Variants in CDH13 observed in about 807,000 individuals in gnomAD.
CDH13 encodes the protein cadherin-13.
CDH13 carries 24 observed loss-of-function variants against 63.8 expected under a neutral mutation model. The observed-to-expected ratio is 0.38, with a 90% CI of 0.27 to 0.53. The LOEUF (loss-of-function observed/expected upper bound fraction) is 0.53. Ranked by LOEUF, CDH13 falls within the 20% of genes least tolerant of loss-of-function variation. CDH13 has a pLI of 0.85. For synonymous variants in CDH13, 503 were observed against 355.3 expected, an observed-to-expected ratio of 1.42 and a Z score of -4.67; for missense variants, 1,049 against 903.1, an observed-to-expected ratio of 1.16 and a Z score of -2.07.
intron 7 of CDH13, chr16:83,508,447 A>C (rs114268765): frequency 0.025 from 3,869 of 153,180 alleles, 160 homozygotes; most frequent in African/African-American, 0.088. Context: ...GGAACCCACC[A>C]CTCCCATACA....
At chr16:83,606,164 A>C (rs1342330693) in intron 8 of CDH13, among the ~76,000 whole-genome samples, 4 of 152,226 alleles carry the variant, frequency 2.6e-5, no homozygotes, top group Non-Finnish European at 5.9e-5. Context: ...AATGGTGATC[A>C]TTTGGAGTTG....
At chr16:83,121,058 A>G (rs1255328673) in intron 3 of CDH13, among the ~76,000 whole-genome samples, 2 of 152,086 alleles carry the variant, frequency 1.3e-5, no homozygotes, top group African/African-American at 2.4e-5. Context: ...CGCTGCGCCC[A>G]GCCAATGCTG....
intron 11 of CDH13, among the ~76,000 whole-genome samples, chr16:83,758,890 G>T (rs996383850): frequency 4.6e-5 from 7 of 152,164 alleles, no homozygotes; most frequent in Non-Finnish European, 1.0e-4. Context: ...CCCTATTTAA[G>T]CCCACATTAA....
intron 13 of CDH13, 95 bp downstream of exon 13, chr16:83,783,567 G>T: frequency 2.2e-6 from 2 of 928,312 alleles, no homozygotes; most frequent in East Asian, 2.4e-5. Context: ...TTTCCAAGAA[G>T]ATGTTTCCCA....
chr16:82,673,407 C>A lies in CDH13; in HGVS notation c.45+46270C>A, dbSNP rs191523134. Among the ~76,000 whole-genome samples the A allele has an allele frequency of 2.8e-4, 43 of 152,206 alleles. No homozygotes were observed. In the East Asian group the frequency reaches 6.2e-3, roughly 22 times the overall value. On this transcript the variant is annotated intron_variant, in intron 1 of 13. Transcript: ENST00000567109. ...ACTCACTAGCAGGAAATAAAAGTAT[C>A]CCCAAGGAGAAAGCCTTGGGAATTA... is the stretch of plus-strand genomic sequence containing the variant.
chr16:83,444,430 A>G (rs1204970163), intron 6 of CDH13, among the ~76,000 whole-genome samples: 5 of 152,228 alleles, frequency 3.3e-5, no homozygotes, highest in Admixed American at 3.3e-4. Context: ...CTCAAGGACA[A>G]TACTTCTTAA....
chr16:83,353,165 C>T (rs939937343), intron 6 of CDH13, among the ~76,000 whole-genome samples: 3 of 152,232 alleles, frequency 2.0e-5, no homozygotes, highest in Non-Finnish European at 4.4e-5. Flanking sequence ...GCCAAGACGT[C>T]AGCACTCTGC....
At chr16:82,876,649 G>A (rs1186633959) in intron 2 of CDH13, among the ~76,000 whole-genome samples, 2 of 152,166 alleles carry the variant, frequency 1.3e-5, no homozygotes, top group Non-Finnish European at 2.9e-5. Flanking sequence ...GTTAAGATAG[G>A]AATAACTTAA....
At chr16:83,592,913 G>A (rs1906898627) in intron 7 of CDH13, among the ~76,000 whole-genome samples, 2 of 152,308 alleles carry the variant, frequency 1.3e-5, no homozygotes, top group Admixed American at 6.5e-5. Context: ...CTGGGAAGAT[G>A]GAAGAACATC....
At position 83,754,337 on chromosome 16, in the gene CDH13, G is replaced by A. The variant is rs770747067; in HGVS notation, c.1681+6087G>A. On this transcript the variant is annotated intron_variant, in intron 11 of 13. Transcript: ENST00000567109. Reference sequence around the variant, plus strand: ...GATTTCCTGGAGCCTTTCAGACTAAGATACTCCAGACTTTCAATCAAAATC... The same window carrying A: ...GATTTCCTGGAGCCTTTCAGACTAAAATACTCCAGACTTTCAATCAAAATC... Among the ~76,000 whole-genome samples the A allele has an allele frequency of 3.7e-4, 57 of 152,192 alleles. 1 individual carries two copies. The highest frequency in any genetic ancestry group is 3.1e-4 in the Non-Finnish European group (21 of 68,034).
chr16:82,692,360 C>T (rs1204604833), intron 1 of CDH13, among the ~76,000 whole-genome samples: 1 of 152,196 alleles, frequency 6.6e-6, no homozygotes, highest in Non-Finnish European at 1.5e-5. Flanking sequence ...TTAATTGACT[C>T]ACAGTTCTGT....
chr16:82,852,541 G>T (rs949128693), intron 1 of CDH13, among the ~76,000 whole-genome samples: 1 of 152,276 alleles, frequency 6.6e-6, no homozygotes, highest in African/African-American at 2.4e-5. Context: ...TTATTCTGTT[G>T]GCCAGTGCTT....
chr16:83,195,374 C>T (rs1450130572), intron 4 of CDH13, among the ~76,000 whole-genome samples: 2 of 152,122 alleles, frequency 1.3e-5, no homozygotes, highest in Non-Finnish European at 2.9e-5. Flanking sequence ...CTCATGGTTC[C>T]ACAGGCTGTC....
chr16:83,289,276 A>G (rs1392691868), intron 5 of CDH13, among the ~76,000 whole-genome samples: 1 of 152,184 alleles, frequency 6.6e-6, no homozygotes, highest in Admixed American at 6.5e-5. Context: ...TTGTAACACC[A>G]GCTTCACTAC....
intron 2 of CDH13, among the ~76,000 whole-genome samples, chr16:83,014,202 T>C (rs529475644): frequency 6.6e-5 from 10 of 151,912 alleles, no homozygotes; most frequent in African/African-American, 2.4e-4. Context: ...TTCCCATTCA[T>C]TGAAAAATTT....
intron 10 of CDH13, among the ~76,000 whole-genome samples, chr16:83,738,018 C>T (rs1911701480): frequency 6.6e-6 from 1 of 152,190 alleles, no homozygotes; most frequent in South Asian, 2.1e-4. Flanking sequence ...GCCACCTCCT[C>T]AGTGATCAAT....
chr16:82,890,354 G>C (rs967382755), intron 2 of CDH13, among the ~76,000 whole-genome samples: 20 of 152,178 alleles, frequency 1.3e-4, no homozygotes, highest in African/African-American at 4.8e-4. Flanking sequence ...ATGTGAGTTT[G>C]ATCACTCACC....
chr16:83,372,685 G>C (rs1215943331), intron 6 of CDH13, among the ~76,000 whole-genome samples: 1 of 148,046 alleles, frequency 6.8e-6, no homozygotes, highest in Non-Finnish European at 1.5e-5. Flanking sequence ...CCGGGAGGCA[G>C]AGGTTGCAGT....
At chr16:83,701,150 G>T (rs67805160) in intron 10 of CDH13, among the ~76,000 whole-genome samples, 25,340 of 152,048 alleles carry the variant, frequency 0.17, 2,291 homozygotes, top group African/African-American at 0.18. Flanking sequence ...GCCAGGGCTG[G>T]ATGATAATTC....
Sources: gnomAD v4.1 joint callset for allele counts (sites outside exome capture counted in the v4.1 genomes callset) on GRCh38, gnomAD v4.1.1 for gene constraint, MANE v1.5 for transcripts, NCBI Gene and HGNC (gene_info 2026-07-23, HGNC 2026-07-21) for gene names.